The following ACSM1 variants were observed in gnomAD, a reference collection of about 807,000 sequenced individuals.
ACSM1 encodes acyl-coenzyme A synthetase ACSM1, mitochondrial.
ACSM1 carries 79 observed loss-of-function variants against 75.8 expected under a neutral mutation model. That is an observed-to-expected ratio of 1.04 (90% confidence interval 0.87 to 1.26). The LOEUF (loss-of-function observed/expected upper bound fraction) is 1.26, where lower values mean the gene tolerates loss of function less well. Among genes scored for constraint, ACSM1 ranks in the 50% most tolerant of loss-of-function variants. The pLI, the probability that ACSM1 is intolerant of heterozygous loss-of-function variation, is 0.00. For missense variants in ACSM1, 676 were observed against 720.1 expected, an observed-to-expected ratio of 0.94 and a Z score of 0.70; for synonymous variants, 279 against 265.8, an observed-to-expected ratio of 1.05 and a Z score of -0.48.
chr16:20,624,284 T>C, intron 12 of ACSM1, 69 bp from the exon 13 acceptor site: 4 of 1,502,314 alleles, frequency 2.7e-6, no homozygotes, highest in Non-Finnish European at 3.6e-6. Flanking sequence ...TCAATGTTTA[T>C]TGAATGAGTG....
chr16:20,682,225 A>C, intron 4 of ACSM1, 31 bp downstream of exon 4: 13 of 1,601,694 alleles, frequency 8.1e-6, no homozygotes, highest in African/African-American at 1.3e-5. Flanking sequence ...AACTGTACTC[A>C]GAGATTATAT....
intron 7 of ACSM1, among the ~76,000 whole-genome samples, chr16:20,646,937 G>A (rs2018400245): frequency 6.6e-6 from 1 of 152,222 alleles, no homozygotes; most frequent in South Asian, 2.1e-4. Context: ...GCATTTGCTT[G>A]TGTCTCTCCA....
At chr16:20,673,284 T>A (rs1315560141) in intron 4 of ACSM1, among the ~76,000 whole-genome samples, 1 of 151,882 alleles carries the variant, frequency 6.6e-6, no homozygotes, top group Non-Finnish European at 1.5e-5. Flanking sequence ...GCTTCTATGG[T>A]GTTCAAAGCA....
At chr16:20,690,956 C>T in intron 2 of ACSM1, 41 bp downstream of exon 2, 1 of 1,573,190 alleles carries the variant, frequency 6.4e-7, no homozygotes, top group African/African-American at 1.4e-5. Context: ...GAAAGTGAGG[C>T]CACCCTTGTT....
At chr16:20,633,309 T>C (rs867847513) in intron 10 of ACSM1, among the ~76,000 whole-genome samples, 5 of 152,162 alleles carry the variant, frequency 3.3e-5, no homozygotes, top group Admixed American at 6.5e-5. Flanking sequence ...ATACATAAAT[T>C]CAGTAAACTT....
At chr16:20,639,235 C>T (rs1267199812) in intron 8 of ACSM1, among the ~76,000 whole-genome samples, 1 of 152,184 alleles carries the variant, frequency 6.6e-6, no homozygotes, top group Non-Finnish European at 1.5e-5. Flanking sequence ...ATGCATAGTA[C>T]TCCAAATGCC....
At chr16:20,657,889 A>G (rs1005540488) in intron 7 of ACSM1, among the ~76,000 whole-genome samples, 33 of 151,990 alleles carry the variant, frequency 2.2e-4, no homozygotes, top group Non-Finnish European at 4.0e-4. Context: ...TAGTTTGCTG[A>G]GAATGATGGT....
In ACSM1 at chr16:20,623,671, A is replaced by G. The variant is rs970915864; in HGVS notation, c.1648-99T>C. The G allele has an allele frequency of 1.4e-5, 17 of 1,217,618 alleles. No individual in the cohort carries two copies. The South Asian group carries it at 2.2e-4, about 16-fold the overall frequency. The allele number at this position is 1,217,618 out of a possible 1,614,324, so 75.4% of individuals were successfully genotyped here. On this transcript the variant is annotated intron_variant, in intron 13 of 13. Coordinates refer to ENST00000520010, the MANE Select transcript of ACSM1 (RefSeq NM_001318890.3). ...TCTGCCCCTCCACAGTCTCCCATGC[A>G]GGCTGACACCATATGGTGGCCTTAA...
rs957893816 is a variant in ACSM1, at chr16:20,679,705, A to G, written c.611+2551T>C. ...CATAGTTAAAACTCTACTGTACCAT[A>G]CCTACAGTACAGGAACCAAGTTAGG... On this transcript the variant is annotated intron_variant, in intron 4 of 13. Transcript: ENST00000520010. The G allele has an allele frequency of 2.0e-5, 3 of 152,154 alleles. No homozygotes were observed. The East Asian group carries it at 5.8e-4, about 29-fold the overall frequency. 9.4% of individuals were successfully genotyped at this position (152,154 alleles called of 1,614,324 possible). A position where few individuals can be genotyped will look rare whatever the true frequency, so the allele number is the denominator to read the frequency against.
intron 7 of ACSM1, 140 bp from the exon 8 acceptor site, chr16:20,640,724 C>A: frequency 7.0e-7 from 1 of 1,420,312 alleles, no homozygotes; most frequent in Non-Finnish European, 9.4e-7. Flanking sequence ...TACAGTTGGC[C>A]ATGGCCAAGT....
chr16:20,678,579 A>G (rs201975587), intron 4 of ACSM1, among the ~76,000 whole-genome samples: 13 of 152,238 alleles, frequency 8.5e-5, no homozygotes, highest in Non-Finnish European at 5.9e-5. Context: ...GGGACAGAGA[A>G]GGAACTAGAG....
At chr16:20,647,828 C>T (rs1378299559) in intron 7 of ACSM1, among the ~76,000 whole-genome samples, 5 of 152,174 alleles carry the variant, frequency 3.3e-5, no homozygotes, top group Admixed American at 3.3e-4. Context: ...GACTTTCTGG[C>T]TCCTTGCTTC....
intron 11 of ACSM1, among the ~76,000 whole-genome samples, chr16:20,626,826 G>A (rs1182516294): frequency 6.6e-6 from 1 of 151,938 alleles, no homozygotes; most frequent in Non-Finnish European, 1.5e-5. Context: ...TTATTACTAT[G>A]TTTGTCCTGT....
chr16:20,626,582 A>T (rs1260800689), intron 11 of ACSM1, among the ~76,000 whole-genome samples: 1 of 151,860 alleles, frequency 6.6e-6, no homozygotes, highest in Non-Finnish European at 1.5e-5. Context: ...TTTCCTCGTT[A>T]GTAAAATAGG....
In ACSM1 at chr16:20,640,497, G is replaced by T. The variant is rs771904973; in HGVS notation, c.1080C>A (p.Gly360=). The T allele has an allele frequency of 5.6e-6, 9 of 1,614,112 alleles. No individual in the cohort carries two copies. Among genetic ancestry groups the T allele is most frequent in the African/African-American group, 4.0e-5 (3 of 75,030 alleles). ...KDQEEWKRRT[G]LLLYENYGQS... The stretch of plus-strand genomic sequence containing the variant: ...GCCCATAGTTCTCGTAGAGCAGAAG[G>T]CCCGTCCGTCTTTTCCACTCCTCCT... The change falls in exon 8 of 14, where the codon GGC becomes GGA. Residue 360 remains glycine (G), a synonymous_variant. Transcript: ENST00000520010.
At chr16:20,672,471 A>AATATATATAT (rs1392857890) in intron 4 of ACSM1, among the ~76,000 whole-genome samples, 150 of 64,494 alleles carry the variant, frequency 2.3e-3, no homozygotes, top group East Asian at 0.014. Flanking sequence ...AAAAAAAAAA[A>AATATATATAT]ATATATATAT....
At chr16:20,634,274 T>C (rs547684037) in intron 10 of ACSM1, among the ~76,000 whole-genome samples, 1 of 152,336 alleles carries the variant, frequency 6.6e-6, no homozygotes, top group East Asian at 1.9e-4. Flanking sequence ...ATTGTGAAAG[T>C]GGTTTGGTAA....
intron 6 of ACSM1, among the ~76,000 whole-genome samples, chr16:20,664,718 G>A (rs147776670): frequency 5.3e-4 from 81 of 152,148 alleles, no homozygotes; most frequent in Middle Eastern, 3.4e-3. Context: ...TTGTTCCCAC[G>A]TGGAACATAT....
intron 7 of ACSM1, among the ~76,000 whole-genome samples, chr16:20,650,267 G>A (rs1291502137): frequency 6.6e-6 from 1 of 152,150 alleles, no homozygotes; most frequent in Non-Finnish European, 1.5e-5. Context: ...GCATTTGCAT[G>A]AGGAACTGAA....
Sources: gnomAD v4.1 joint callset for allele counts (sites outside exome capture counted in the v4.1 genomes callset) on GRCh38, gnomAD v4.1.1 for gene constraint, MANE v1.5 for transcripts, NCBI Gene and HGNC (gene_info 2026-07-23, HGNC 2026-07-21) for gene names.